Variants in DLC1 observed in about 807,000 individuals in gnomAD.
DLC1 encodes the protein DLC1 Rho GTPase activating protein.
A neutral mutation model predicts 140.3 loss-of-function variants in DLC1; 54 were observed. The observed-to-expected ratio is 0.38, with a 90% CI of 0.31 to 0.48. The LOEUF (loss-of-function observed/expected upper bound fraction) is 0.48, where lower values mean the gene tolerates loss of function less well. Ranked by LOEUF, DLC1 falls within the 20% of genes least tolerant of loss-of-function variation. The pLI, the probability that DLC1 is intolerant of heterozygous loss-of-function variation, is 0.96. For synonymous variants in DLC1, 986 were observed against 728.1 expected (o/e 1.35, Z -5.70); for missense variants, 2,536 against 1,907.0 (o/e 1.33, Z -6.14).
At chr8:13,603,353 G>A (rs1047413597) in intron 1 of DLC1, among the ~76,000 whole-genome samples, 2 of 151,528 alleles carry the variant, frequency 1.3e-5, no homozygotes, top group East Asian at 1.9e-4. Context: ...ACAATTCACT[G>A]ATATAGACAG....
rs571439004 is a variant in DLC1, at chr8:13,544,588, T to C, written c.-125-44392A>G. ...AGTGTAGCAGCTGGGGCTGCTCCAT[T>C]ACATACTGTTGTGCATGATTCATGC... is the stretch of plus-strand genomic sequence containing the variant. On this transcript the variant is annotated intron_variant, in intron 1 of 1. Coordinates refer to the DLC1 transcript ENST00000631382. Among the ~76,000 whole-genome samples, 3 of 152,278 alleles carry C rather than the reference T, an allele frequency of 2.0e-5. No individual in the cohort carries two copies. In the East Asian group the frequency reaches 5.8e-4, roughly 29 times the overall value.
At chr8:13,603,300 T>C (rs1805949244) in intron 1 of DLC1, among the ~76,000 whole-genome samples, 1 of 151,850 alleles carries the variant, frequency 6.6e-6, no homozygotes, top group African/African-American at 2.4e-5. Context: ...AACATCATCA[T>C]TCATTACGAG....
intron 4 of DLC1, among the ~76,000 whole-genome samples, chr8:13,378,536 G>A (rs553687417): frequency 1.3e-4 from 19 of 151,958 alleles, no homozygotes; most frequent in Non-Finnish European, 2.5e-4. Flanking sequence ...AAAAAAACCT[G>A]AAAAGATTCT....
At chr8:13,227,373 G>A (rs758105300) in intron 5 of DLC1, among the ~76,000 whole-genome samples, 5 of 152,160 alleles carry the variant, frequency 3.3e-5, no homozygotes, top group Non-Finnish European at 7.4e-5. Flanking sequence ...TAATGCAGCA[G>A]AATCCTATAA....
chr8:13,569,723 G>A (rs534094026), intron 1 of DLC1, among the ~76,000 whole-genome samples: 1 of 152,020 alleles, frequency 6.6e-6, no homozygotes, highest in South Asian at 2.1e-4. Context: ...TTTTAAATTT[G>A]TTACTTATTT....
At chr8:13,337,434 G>T (rs1586160065) in intron 4 of DLC1, among the ~76,000 whole-genome samples, 2 of 152,194 alleles carry the variant, frequency 1.3e-5, no homozygotes, top group East Asian at 3.9e-4. Context: ...AGGTCATGTT[G>T]CAGAATGACA....
chr8:13,260,093 C>T (rs1157895380), intron 5 of DLC1, among the ~76,000 whole-genome samples: 1 of 152,100 alleles, frequency 6.6e-6, no homozygotes, highest in Admixed American at 6.6e-5. Context: ...TTTAGCGGAA[C>T]AGCAAGGAGA....
At chr8:13,414,026 C>T (rs1016593410) in intron 2 of DLC1, among the ~76,000 whole-genome samples, 2 of 152,022 alleles carry the variant, frequency 1.3e-5, no homozygotes, top group African/African-American at 4.8e-5. Flanking sequence ...AAAATAAACG[C>T]TTATTGAAAA....
intron 1 of DLC1, among the ~76,000 whole-genome samples, chr8:13,502,655 G>A (rs781300785): frequency 2.6e-5 from 4 of 152,158 alleles, no homozygotes; most frequent in Admixed American, 6.5e-5. Flanking sequence ...CCCTAATAGA[G>A]AGAAATCTTT....
chr8:13,586,370 C>T (rs1360682361), intron 1 of DLC1, among the ~76,000 whole-genome samples: 6 of 152,002 alleles, frequency 3.9e-5, no homozygotes, highest in Admixed American at 6.6e-5. Context: ...ACTTGATGAC[C>T]GATTGAACAG....
chr8:13,405,898 T>TTTCC (rs1477360622), intron 2 of DLC1, among the ~76,000 whole-genome samples: 1 of 140,846 alleles, frequency 7.1e-6, no homozygotes, highest in African/African-American at 2.7e-5. Flanking sequence ...TCTTTCTTTC[T>TTTCC]TTTTCTTTCT....
chr8:13,357,169 G>T (rs1480520805), intron 4 of DLC1, among the ~76,000 whole-genome samples: 8 of 152,116 alleles, frequency 5.3e-5, no homozygotes, highest in African/African-American at 1.9e-4. Context: ...TACTCGTGAG[G>T]CCAAGGCCCA....
chr8:13,108,310 A>G (rs1352802429), intron 7 of DLC1, among the ~76,000 whole-genome samples: 1 of 152,152 alleles, frequency 6.6e-6, no homozygotes, highest in Non-Finnish European at 1.5e-5. Context: ...GGGCCTGATA[A>G]TTTAATTTTT....
chr8:13,197,601 G>T (rs35448088), intron 5 of DLC1, among the ~76,000 whole-genome samples: 4 of 151,652 alleles, frequency 2.6e-5, no homozygotes, highest in Non-Finnish European at 1.5e-5. Context: ...CTGCCTCGGC[G>T]TCCCAAAGTG....
chr8:13,564,438 C>A (rs1366503998), intron 1 of DLC1, among the ~76,000 whole-genome samples: 1 of 152,148 alleles, frequency 6.6e-6, no homozygotes, highest in Non-Finnish European at 1.5e-5. Context: ...CCAAGCACAG[C>A]GTTACTTGAG....
chr8:13,243,099 G>A (rs142671366), intron 5 of DLC1, among the ~76,000 whole-genome samples: 7,926 of 150,656 alleles, frequency 0.053, 271 homozygotes, highest in Non-Finnish European at 0.08. Flanking sequence ...AGACCACCCT[G>A]GCCAACATGG....
At chr8:13,198,879 G>C (rs2117057035) in intron 5 of DLC1, among the ~76,000 whole-genome samples, 1 of 152,104 alleles carries the variant, frequency 6.6e-6, no homozygotes, top group South Asian at 2.1e-4. Context: ...ACCACACCCA[G>C]CTAATTTTTG....
chr8:13,594,985 A>G (rs1805637027), intron 1 of DLC1, among the ~76,000 whole-genome samples: 2 of 151,880 alleles, frequency 1.3e-5, no homozygotes, highest in Non-Finnish European at 2.9e-5. Context: ...GTGAATTTCT[A>G]TATATTTCTG....
At chr8:13,396,518 C>T (rs1041627296) in intron 3 of DLC1, among the ~76,000 whole-genome samples, 3 of 152,112 alleles carry the variant, frequency 2.0e-5, no homozygotes, top group East Asian at 1.9e-4. Context: ...CCATTATCTG[C>T]TTCAATGTTC....
Sources: gnomAD v4.1 joint callset for allele counts (sites outside exome capture counted in the v4.1 genomes callset) on GRCh38, gnomAD v4.1.1 for gene constraint, MANE v1.5 for transcripts, NCBI Gene and HGNC (gene_info 2026-07-23, HGNC 2026-07-21) for gene names.